The following NSD1 variants were observed in gnomAD, a reference collection of about 807,000 sequenced individuals.
The protein encoded by NSD1 is nuclear receptor binding SET domain protein 1, also known as histone-lysine N-methyltransferase, H3 lysine-36 specific.
NSD1 carries 26 observed loss-of-function variants against 242.7 expected under a neutral mutation model. The observed-to-expected ratio is 0.11, with a 90% CI of 0.08 to 0.15. The LOEUF (loss-of-function observed/expected upper bound fraction) is 0.15. Ranked by LOEUF, NSD1 falls within the 10% of genes least tolerant of loss-of-function variation. The probability of loss-of-function intolerance (pLI) is 1.00; values close to 1 mark genes in which losing one functional copy is unlikely to be tolerated. For synonymous variants in NSD1, 1,106 were observed against 1,178.1 expected (o/e 0.94, Z 1.25); for missense variants, 2,495 against 3,272.8 (o/e 0.76, Z 5.80).
chr5:177,188,421 A>G (rs1761407223), intron 2 of NSD1, among the ~76,000 whole-genome samples: 1 of 152,152 alleles, frequency 6.6e-6, no homozygotes, highest in African/African-American at 2.4e-5. Context: ...GTGGGTTTGC[A>G]TATGTTATTT....
rs189517019 is a variant in NSD1, at chr5:177,207,697, T to C, written c.1237-1939T>C. On this transcript the variant is annotated intron_variant, in intron 4 of 22. Transcript: ENST00000439151. The stretch of plus-strand genomic sequence containing the variant: ...CTCCTGCCTCAGCCTCGCAAAGTGC[T>C]GGGATTAAAGGTGTGAGCCACTCCA... Among the ~76,000 whole-genome samples, 14 of 146,520 alleles carry C rather than the reference T, an allele frequency of 9.6e-5. No homozygotes were observed. In the East Asian group the frequency reaches 2.7e-3, roughly 28 times the overall value.
At chr5:177,219,055 T>A (rs1764027514) in intron 5 of NSD1, among the ~76,000 whole-genome samples, 1 of 152,192 alleles carries the variant, frequency 6.6e-6, no homozygotes, top group Non-Finnish European at 1.5e-5. Flanking sequence ...CTACCAACTT[T>A]GGGCTTAGAT....
At chr5:177,246,633 A>C (rs748039970) in intron 9 of NSD1, 45 bp from the exon 10 acceptor site, 1 of 1,268,262 alleles carries the variant, frequency 7.9e-7, no homozygotes, top group Admixed American at 1.7e-5. Flanking sequence ...GATTTTGGAC[A>C]TGTGTGTTAG....
intron 5 of NSD1, among the ~76,000 whole-genome samples, chr5:177,214,572 A>G (rs558770253): frequency 4.9e-4 from 74 of 152,128 alleles, no homozygotes; most frequent in Non-Finnish European, 8.4e-4. Context: ...AAGTGGAATC[A>G]TGCAGTATTT....
chr5:177,186,648 C>G (rs1761256850), intron 2 of NSD1, among the ~76,000 whole-genome samples: 1 of 152,096 alleles, frequency 6.6e-6, no homozygotes, highest in Non-Finnish European at 1.5e-5. Flanking sequence ...TAGTGACGAG[C>G]TTTTCTGGGT....
chr5:177,289,639 G>C (rs1759618687), intron 21 of NSD1, among the ~76,000 whole-genome samples: 1 of 152,036 alleles, frequency 6.6e-6, no homozygotes, highest in Non-Finnish European at 1.5e-5. Context: ...TGCAGTTTAA[G>C]CTTCTAAATG....
At chr5:177,236,977 A>C (rs1581404300) in intron 6 of NSD1, among the ~76,000 whole-genome samples, 2 of 152,006 alleles carry the variant, frequency 1.3e-5, no homozygotes, top group Non-Finnish European at 2.9e-5. Flanking sequence ...GTTGGGACCA[A>C]AGGTGCACAC....
intron 17 of NSD1, among the ~76,000 whole-genome samples, chr5:177,275,159 T>C (rs1408375795): frequency 6.6e-6 from 1 of 151,708 alleles, no homozygotes; most frequent in Non-Finnish European, 1.5e-5. Context: ...TGAAAAACTT[T>C]CGTTGTTTGT....
intron 16 of NSD1, among the ~76,000 whole-genome samples, chr5:177,270,834 C>A (rs1757890922): frequency 6.6e-6 from 1 of 152,168 alleles, no homozygotes; most frequent in South Asian, 2.1e-4. Flanking sequence ...TTAGTAGCTC[C>A]TCACTTACCC....
At chr5:177,179,136 T>C (rs1004392052) in intron 2 of NSD1, among the ~76,000 whole-genome samples, 2 of 152,206 alleles carry the variant, frequency 1.3e-5, no homozygotes, top group Non-Finnish European at 1.5e-5. Flanking sequence ...AACTTGGTCA[T>C]AGTTTTTCCT....
chr5:177,239,704 T>C (rs1765706736), intron 7 of NSD1, 52 bp from the exon 8 acceptor site: 1 of 1,101,778 alleles, frequency 9.1e-7, no homozygotes, highest in East Asian at 2.4e-5. Context: ...TTTTAAAAAT[T>C]AACTTGTGCC....
At chr5:177,173,291 CAA>C (rs60043429) in intron 2 of NSD1, among the ~76,000 whole-genome samples, 24,200 of 97,292 alleles carry the variant, frequency 0.25, 2,295 homozygotes, top group East Asian at 0.51. Flanking sequence ...GACTCTGTCT[CAA>C]AAAAAAAAAA....
chr5:177,224,082 T>C (rs78048258), intron 5 of NSD1, among the ~76,000 whole-genome samples: 3,924 of 152,340 alleles, frequency 0.026, 50 homozygotes, highest in African/African-American at 0.03. Flanking sequence ...TTTACTGTGT[T>C]TCTGAAATTG....
intron 20 of NSD1, chr5:177,288,598 T>A (rs925309606): frequency 3.0e-5 from 15 of 493,146 alleles, no homozygotes; most frequent in East Asian, 1.1e-4. Context: ...GGAGGAAGAG[T>A]TATCTTAAAT....
At chr5:177,282,283 A>G (rs1482165595) in intron 18 of NSD1, among the ~76,000 whole-genome samples, 182 bp from the exon 19 acceptor site, 3 of 152,204 alleles carry the variant, frequency 2.0e-5, no homozygotes, top group Non-Finnish European at 4.4e-5. Context: ...TGGTAGGAGT[A>G]AGGAGGTGTT....
At chr5:177,247,007 TC>T (rs1766351409) in intron 10 of NSD1, among the ~76,000 whole-genome samples, 2 of 152,350 alleles carry the variant, frequency 1.3e-5, no homozygotes, top group South Asian at 4.1e-4. Flanking sequence ...TTTTAAAAGA[TC>T]ATCACATCCT....
chr5:177,280,552 G>A lies in NSD1; in HGVS notation c.5623-13G>A, dbSNP rs1414752291. On this transcript the variant is annotated splice_polypyrimidine_tract_variant and intron_variant, in intron 17 of 22. Transcript: ENST00000439151. ...ACTTGTTTTATGCGGTGTACTTTGT[G>A]TTACTTTTCCAGGTAAACCGTCCTA... The A allele has an allele frequency of 6.2e-7, 1 of 1,614,106 alleles. No homozygotes were observed. The highest frequency in any genetic ancestry group is 8.5e-7 in the Non-Finnish European group (1 of 1,180,044).
chr5:177,203,757 T>C (rs957664993), intron 3 of NSD1, among the ~76,000 whole-genome samples: 1 of 152,116 alleles, frequency 6.6e-6, no homozygotes, highest in African/African-American at 2.4e-5. Flanking sequence ...TGCTGTGGGC[T>C]TACTATATAC....
intron 2 of NSD1, among the ~76,000 whole-genome samples, chr5:177,177,851 G>C (rs1246275847): frequency 2.0e-5 from 3 of 151,948 alleles, no homozygotes; most frequent in East Asian, 1.9e-4. Flanking sequence ...TTTGGTTTTT[G>C]CTTAATTTTT....
Sources: allele counts gnomAD v4.1 joint callset (sites outside exome capture counted in the v4.1 genomes callset), GRCh38; gene constraint gnomAD v4.1.1; transcripts MANE v1.5; gene names NCBI Gene and HGNC (gene_info 2026-07-23, HGNC 2026-07-21).